The following ABCC12 variants were observed in gnomAD, a reference collection of about 807,000 sequenced individuals.
ABCC12 encodes ATP-binding cassette sub-family C member 12.
A neutral mutation model predicts 151.1 loss-of-function variants in ABCC12; 142 were observed. That is an observed-to-expected ratio of 0.94 (90% CI 0.82 to 1.08). The LOEUF is 1.08. Among genes scored for constraint, ABCC12 ranks in the 50% least tolerant of loss-of-function variants. The pLI is 0.00. For missense variants in ABCC12, 1,638 were observed against 1,691.1 expected (o/e 0.97, Z 0.55); for synonymous variants, 645 against 646.4 (o/e 1.00, Z 0.03).
At chr16:48,133,939 T>G in intron 8 of ABCC12, 104 bp from the exon 9 acceptor site, 1 of 1,347,514 alleles carries the variant, frequency 7.4e-7, no homozygotes. Context: ...TGGGCGCTCA[T>G]GAGTCCTGTT....
At chr16:48,139,052 C>A in intron 7 of ABCC12, 111 bp downstream of exon 7, 2 of 1,256,194 alleles carry the variant, frequency 1.6e-6, no homozygotes, top group Non-Finnish European at 2.2e-6. Flanking sequence ...TCTGTGAGTA[C>A]AAAATGGGGC....
intron 12 of ABCC12, 27 bp downstream of exon 12, chr16:48,124,186 C>T (rs763809824): frequency 6.2e-7 from 1 of 1,610,146 alleles, no homozygotes; most frequent in South Asian, 1.1e-5. Flanking sequence ...AATGTTCCAT[C>T]TTCACAGCAC....
At chr16:48,095,010 G>A (rs1386368218) in intron 24 of ABCC12, among the ~76,000 whole-genome samples, 1 of 152,188 alleles carries the variant, frequency 6.6e-6, no homozygotes, top group Admixed American at 6.5e-5. Context: ...ACCTCTGGAA[G>A]AAACAGATAG....
Position 48,108,480 on chromosome 16 carries a change from C to T in ABCC12, c.2331G>A (p.Val777=). ...TGTACGTGTGATATGTTTTCCAGGT[C>T]ACGGTTCCTTCCTGGGGGGATTCAG... The part of the protein sequence containing the change: ...IQTESPQEGT[V]TWKTYHTYIK... The change falls in exon 19 of 31, where the codon GTG becomes GTA. Residue 777 remains valine, a synonymous_variant. Coordinates refer to ENST00000311303, the MANE Select transcript of ABCC12 (RefSeq NM_001393797.1). The T allele has an allele frequency of 1.2e-6, 2 of 1,614,166 alleles. No homozygotes were observed. The highest frequency in any genetic ancestry group is 1.7e-6 in the Non-Finnish European group (2 of 1,180,038).
chr16:48,124,104 A>G (rs545758614), intron 12 of ABCC12, 109 bp downstream of exon 12: 12 of 1,146,294 alleles, frequency 1.0e-5, no homozygotes, highest in South Asian at 8.9e-5. Flanking sequence ...CCACATGCAC[A>G]GTGTCCAGTG....
At chr16:48,140,167 C>T (rs1964756108) in intron 6 of ABCC12, among the ~76,000 whole-genome samples, 1 of 151,978 alleles carries the variant, frequency 6.6e-6, no homozygotes, top group African/African-American at 2.4e-5. Flanking sequence ...CCTGGGGTTC[C>T]CTTGATTCAA....
At chr16:48,090,287 G>T (rs1008922809) in intron 25 of ABCC12, among the ~76,000 whole-genome samples, 1 of 152,026 alleles carries the variant, frequency 6.6e-6, no homozygotes, top group African/African-American at 2.4e-5. Context: ...GAGTGCAATG[G>T]CATCATCACA....
chr16:48,148,889 C>T (rs1383423216), intron 2 of ABCC12, among the ~76,000 whole-genome samples: 2 of 151,786 alleles, frequency 1.3e-5, no homozygotes, highest in African/African-American at 4.8e-5. Flanking sequence ...TTTTTTATTT[C>T]CCCAAACAAA....
chr16:48,105,009 G>T, intron 21 of ABCC12, 130 bp downstream of exon 21: 2 of 1,041,216 alleles, frequency 1.9e-6, no homozygotes, highest in Non-Finnish European at 1.4e-6. Context: ...ACTCTTCCCA[G>T]ACTAGACTGC....
At chr16:48,152,804 A>G (rs1287803015) in intron 2 of ABCC12, among the ~76,000 whole-genome samples, 1 of 152,224 alleles carries the variant, frequency 6.6e-6, no homozygotes, top group Non-Finnish European at 1.5e-5. Flanking sequence ...GGAGCTTTCT[A>G]CAGAACAAGT....
chr16:48,092,591 G>A (rs1052844253), intron 24 of ABCC12, among the ~76,000 whole-genome samples: 4 of 152,104 alleles, frequency 2.6e-5, no homozygotes, highest in Admixed American at 1.3e-4. Context: ...GAACTTCATT[G>A]ACTGAGCAGT....
intron 10 of ABCC12, among the ~76,000 whole-genome samples, chr16:48,128,979 T>G (rs545821063): frequency 6.6e-6 from 1 of 152,234 alleles, no homozygotes; most frequent in Admixed American, 6.5e-5. Context: ...CACTGGAGAA[T>G]GCTGATCCCA....
intron 11 of ABCC12, 43 bp from the exon 12 acceptor site, chr16:48,124,327 T>G: frequency 6.3e-7 from 1 of 1,599,804 alleles, no homozygotes; most frequent in African/African-American, 1.3e-5. Context: ...TCTCTCCCAC[T>G]TCTTAGAGGG....
In ABCC12 at chr16:48,143,919, T is replaced by C. The variant is rs962660356; in HGVS notation, c.266A>G (p.Asn89Ser). The change falls in exon 4 of 31, where the codon AAT (asparagine) becomes AGT (serine). Residue 89 changes from asparagine to serine, a missense_variant. By Grantham distance (46) the Asn-to-Ser change is conservative. Transcript: ENST00000311303. Reference sequence around the variant, plus strand: ...AAGCAAATCCTGGTACCTTTTGGCATTGGTGTCAGATGAGTCATATGTCGA... The same window carrying C: ...AAGCAAATCCTGGTACCTTTTGGCACTGGTGTCAGATGAGTCATATGTCGA... ...PLSTYDSSDT[N>S]AKRFRVLWDE... 2 of 1,613,356 alleles carry C rather than the reference T, an allele frequency of 1.2e-6. No individual in the cohort carries two copies. The highest frequency in any genetic ancestry group is 2.7e-5 in the African/African-American group (2 of 74,912).
chr16:48,118,605 G>C (rs564674220), intron 13 of ABCC12, among the ~76,000 whole-genome samples: 3 of 152,350 alleles, frequency 2.0e-5, no homozygotes, highest in East Asian at 1.9e-4. Flanking sequence ...CAATGGGCAG[G>C]CCTCACAACT....
chr16:48,121,783 G>A lies in ABCC12; in HGVS notation c.1645C>T (p.Gln549Ter). The A allele has an allele frequency of 1.9e-6, 3 of 1,614,142 alleles. No homozygotes were observed. The highest frequency in any genetic ancestry group is 1.6e-4 in the Middle Eastern group (1 of 6,062). Residue 549 changes from glutamine (Q) to a stop codon, truncating the protein, a stop_gained, in exon 13 of 31, where the codon CAG (glutamine) becomes TAG (stop). Coordinates refer to ENST00000311303, the MANE Select transcript of ABCC12 (RefSeq NM_001393797.1). LOFTEE classifies it high-confidence loss of function. The part of the protein sequence containing the change: ...VNGTLAYVSQ[Q>*]AWIFHGNVRE... The stretch of plus-strand genomic sequence containing the variant: ...ACATTTCCATGAAAGATCCATGCCT[G>A]CTGTGAAACGTAGGCCAAAGTTCCA...
At chr16:48,149,594 T>C (rs1338806596) in intron 2 of ABCC12, among the ~76,000 whole-genome samples, 1 of 152,196 alleles carries the variant, frequency 6.6e-6, no homozygotes, top group Admixed American at 6.5e-5. Flanking sequence ...CTTAAAGCAA[T>C]TTTCTTTAAA....
intron 11 of ABCC12, among the ~76,000 whole-genome samples, chr16:48,127,894 T>C (rs1200456243): frequency 2.0e-5 from 3 of 151,898 alleles, no homozygotes; most frequent in Non-Finnish European, 2.9e-5. Flanking sequence ...CAAGACCCCA[T>C]CTCTACAAAA....
chr16:48,144,110 T>C, intron 3 of ABCC12, 45 bp from the exon 4 acceptor site: 1 of 1,579,570 alleles, frequency 6.3e-7, no homozygotes, highest in Non-Finnish European at 8.6e-7. Context: ...CTGGGGTCAT[T>C]GCCCCAACTC....
Sources: allele counts gnomAD v4.1 joint callset (sites outside exome capture counted in the v4.1 genomes callset), GRCh38; gene constraint gnomAD v4.1.1; transcripts MANE v1.5; gene names NCBI Gene and HGNC (gene_info 2026-07-23, HGNC 2026-07-21).